Variants in ZPBP observed in about 807,000 individuals in gnomAD.
The protein encoded by ZPBP is zona pellucida-binding protein 1.
Under a neutral mutation model 44.8 loss-of-function variants are expected in ZPBP, and 26 were observed. That is an observed-to-expected ratio of 0.58 (90% CI 0.43 to 0.81). The LOEUF (loss-of-function observed/expected upper bound fraction) is 0.81. Ranked by LOEUF, ZPBP falls within the 30% of genes least tolerant of loss-of-function variation. The pLI is 0.00. For missense variants in ZPBP, 409 were observed against 434.0 expected (o/e 0.94, Z 0.51); for synonymous variants, 174 against 153.2 (o/e 1.14, Z -1.00).
chr7:49,861,164 G>A (rs1049336984), intron 2 of ZPBP, among the ~76,000 whole-genome samples: 1 of 152,080 alleles, frequency 6.6e-6, no homozygotes, highest in Non-Finnish European at 1.5e-5. Context: ...ACCAACAGTT[G>A]TTATTTTTCT....
chr7:49,993,239 C>T (rs1024064457), intron 6 of ZPBP, among the ~76,000 whole-genome samples: 28 of 151,814 alleles, frequency 1.8e-4, no homozygotes, highest in Admixed American at 1.5e-3. Context: ...GAAAATCAAT[C>T]CATATAGAAT....
chr7:50,002,018 C>T (rs542253550), intron 6 of ZPBP, among the ~76,000 whole-genome samples: 23 of 152,282 alleles, frequency 1.5e-4, no homozygotes, highest in African/African-American at 4.6e-4. Flanking sequence ...CACACTACCA[C>T]ACCTGGCTAA....
downstream of ZPBP, among the ~76,000 whole-genome samples, chr7:49,935,485 G>T (rs765527041): frequency 8.6e-5 from 13 of 151,958 alleles, no homozygotes; most frequent in African/African-American, 3.1e-4. Context: ...TGCACACTCC[G>T]CTTTCTGGTT....
At chr7:49,883,932 A>G (rs1791786228) in intron 2 of ZPBP, among the ~76,000 whole-genome samples, 1 of 152,242 alleles carries the variant, frequency 6.6e-6, no homozygotes, top group African/African-American at 2.4e-5. Flanking sequence ...TAAGAACAGA[A>G]AGCAGTGGAG....
chr7:50,079,587 A>G (rs977455144), intron 3 of ZPBP, among the ~76,000 whole-genome samples: 1 of 151,584 alleles, frequency 6.6e-6, no homozygotes, highest in Non-Finnish European at 1.5e-5. Flanking sequence ...TTGGTCCAAG[A>G]GTATAAAATT....
chr7:50,029,617 A>C (rs1799499877), intron 5 of ZPBP, among the ~76,000 whole-genome samples: 1 of 152,222 alleles, frequency 6.6e-6, no homozygotes, highest in African/African-American at 2.4e-5. Flanking sequence ...CTCTTACAAC[A>C]ACACCAAAAA....
intron 4 of ZPBP, among the ~76,000 whole-genome samples, chr7:50,057,563 A>G (rs1428946341): frequency 6.6e-6 from 1 of 152,192 alleles, no homozygotes; most frequent in African/African-American, 2.4e-5. Flanking sequence ...GAGCTCTGCC[A>G]ATTGTAAGCC....
rs554298890 is a variant in ZPBP, at chr7:50,031,251, T to G, written c.547A>C (p.Asn183His). The G allele has an allele frequency of 3.7e-6, 6 of 1,612,392 alleles. No individual in the cohort carries two copies. In the Admixed American group the frequency reaches 1.0e-4, roughly 27 times the overall value. Residue 183 changes from asparagine (N) to histidine (H), a missense_variant, in exon 5 of 8, where the codon AAT becomes CAT. Physicochemically the swap from Asn to His is moderately conservative, Grantham distance 68. Coordinates refer to ENST00000046087, the MANE Select transcript of ZPBP (RefSeq NM_007009.3). ...FTARYHAAPC[N>H]SIYNISFEKK... ...TCAAAAGAAATATTATAAATGCTATTGCAGGGAGCTGCATGATATCGAGCT... is the reference window on the plus strand; with the variant it reads ...TCAAAAGAAATATTATAAATGCTATGGCAGGGAGCTGCATGATATCGAGCT...
chr7:49,928,609 C>G (rs1303841893), intron 1 of ZPBP, among the ~76,000 whole-genome samples: 2 of 152,224 alleles, frequency 1.3e-5, no homozygotes, highest in Non-Finnish European at 2.9e-5. Flanking sequence ...CATGAGGTCA[C>G]AGGTGCAGGC....
intron 6 of ZPBP, among the ~76,000 whole-genome samples, chr7:50,004,308 T>C (rs543605985): frequency 6.6e-6 from 1 of 152,256 alleles, no homozygotes; most frequent in East Asian, 1.9e-4. Context: ...CTCCAGGTTT[T>C]TTAGCCTTTG....
chr7:50,093,200 C>A lies in ZPBP; in HGVS notation c.-6G>T, dbSNP rs549776666. 2 of 1,515,572 alleles carry A rather than the reference C, an allele frequency of 1.3e-6. No individual in the cohort carries two copies. Among genetic ancestry groups the A allele is most frequent in the East Asian group, 2.6e-5 (1 of 38,586 alleles). 93.9% of individuals were successfully genotyped at this position (1,515,572 alleles called of 1,614,324 possible). A position where few individuals can be genotyped will look rare whatever the true frequency, so the allele number is the denominator to read the frequency against. The stretch of plus-strand genomic sequence containing the variant: ...CCAAGGGCGAAGGCCTCCATCCACA[C>A]GCCGCCGTCGCCTGCCCACCGTCCG... On this transcript the variant is annotated 5_prime_UTR_variant, in exon 1 of 8. Coordinates refer to ENST00000046087, the MANE Select transcript of ZPBP (RefSeq NM_007009.3).
intron 7 of ZPBP, among the ~76,000 whole-genome samples, chr7:49,941,212 A>G (rs1229518982): frequency 2.6e-5 from 4 of 152,188 alleles, no homozygotes; most frequent in Non-Finnish European, 4.4e-5. Flanking sequence ...TGGTGAAGCT[A>G]CTATGAAAAA....
intron 3 of ZPBP, among the ~76,000 whole-genome samples, chr7:50,070,928 G>A (rs1015470085): frequency 1.3e-5 from 2 of 152,188 alleles, no homozygotes; most frequent in African/African-American, 2.4e-5. Context: ...GGGAAAGGGG[G>A]AGAGATAAGG....
At chr7:50,058,501 G>A (rs6962636) in intron 3 of ZPBP, among the ~76,000 whole-genome samples, 126,156 of 152,116 alleles carry the variant, frequency 0.83, 52,348 homozygotes, top group East Asian at 0.88. Flanking sequence ...ATACTTTAAC[G>A]TAATTATATT....
At chr7:50,075,140 A>G (rs1450967153) in intron 3 of ZPBP, among the ~76,000 whole-genome samples, 1 of 151,996 alleles carries the variant, frequency 6.6e-6, no homozygotes, top group Non-Finnish European at 1.5e-5. Flanking sequence ...ACACAAATAC[A>G]TAGAAATTAA....
At chr7:50,085,322 G>A (rs1911757) in intron 2 of ZPBP, among the ~76,000 whole-genome samples, 125,639 of 151,604 alleles carry the variant, frequency 0.83, 52,094 homozygotes, top group East Asian at 0.88. Context: ...CTGTAAGACA[G>A]TAATTTCTGT....
chr7:50,035,414 G>C (rs1799785644), intron 4 of ZPBP, among the ~76,000 whole-genome samples: 1 of 152,134 alleles, frequency 6.6e-6, no homozygotes, highest in Non-Finnish European at 1.5e-5. Flanking sequence ...CCCACCATAA[G>C]TGCAAATATC....
intron 4 of ZPBP, among the ~76,000 whole-genome samples, chr7:50,051,429 C>A (rs1426736725): frequency 1.3e-5 from 2 of 152,104 alleles, no homozygotes; most frequent in African/African-American, 4.8e-5. Context: ...AATCCCATTA[C>A]TGAGTATATA....
intron 2 of ZPBP, among the ~76,000 whole-genome samples, chr7:49,862,572 C>T (rs1037626457): frequency 3.8e-4 from 58 of 151,996 alleles, no homozygotes; most frequent in Admixed American, 2.6e-4. Flanking sequence ...CATTATTTCA[C>T]CATTGAGTAA....
Sources: allele counts gnomAD v4.1 joint callset (sites outside exome capture counted in the v4.1 genomes callset), GRCh38; gene constraint gnomAD v4.1.1; transcripts MANE v1.5; gene names NCBI Gene and HGNC (gene_info 2026-07-23, HGNC 2026-07-21).